CAPN2: variants seen among roughly 807,000 people sequenced by gnomAD.
CAPN2 encodes calpain-2 catalytic subunit.
CAPN2 carries 92 observed loss-of-function variants against 102.3 expected under a neutral mutation model. The observed-to-expected ratio is 0.90, with a 90% CI of 0.76 to 1.07. The LOEUF (loss-of-function observed/expected upper bound fraction) is 1.07. Among genes scored for constraint, CAPN2 ranks in the 50% least tolerant of loss-of-function variants. CAPN2 has a pLI of 0.00. For missense variants in CAPN2, 800 were observed against 909.4 expected (o/e 0.88, Z 1.55); for synonymous variants, 340 against 355.4 (o/e 0.96, Z 0.49).
chr1:223,772,184 T>C lies in CAPN2; in HGVS notation c.2024T>C (p.Ile675Thr). ...CCCTCTTTTTCTCCCTCCACAGAGA[T>C]ATTTAAGCAGCTGGATCCCGAGAAT... Reference protein sequence around the residue: ...CLVRLETLFKIFKQLDPENTG... With the variant: ...CLVRLETLFKTFKQLDPENTG... Residue 675 changes from isoleucine to threonine, a missense_variant, in exon 20 of 21, where the codon ATA (isoleucine) becomes ACA (threonine). By Grantham distance (89) the Ile-to-Thr change is moderately conservative. Transcript: ENST00000295006. 6.2e-7 allele frequency: 1 copy of C among 1,614,088 alleles called. No individual in the cohort carries two copies. Among genetic ancestry groups the C allele is most frequent in the Non-Finnish European group, 8.5e-7 (1 of 1,179,940 alleles).
Position 223,726,191 on chromosome 1 carries a change from G to A in CAPN2, c.307+8360G>A, listed in dbSNP as rs1476904178. 6.6e-6 allele frequency among the ~76,000 whole-genome samples: 1 copy of A among 152,220 alleles called. No homozygotes were observed. The highest frequency in any genetic ancestry group is 2.4e-5 in the African/African-American group (1 of 41,446). Reference sequence around the variant, plus strand: ...GGGCTTCCTCCAGGAGCTAAGAAAGGAGAGTTCCTGAAGAGCAGGAATTTA... The same window carrying A: ...GGGCTTCCTCCAGGAGCTAAGAAAGAAGAGTTCCTGAAGAGCAGGAATTTA... On this transcript the variant is annotated intron_variant, in intron 2 of 20. Coordinates refer to ENST00000295006, the MANE Select transcript of CAPN2 (RefSeq NM_001748.5). This position sits in a 1 kb window ranked among gnomAD's most constrained non-coding sequence, Gnocchi z 4.4.
At chr1:223,738,614 G>A (rs1260414318) in intron 2 of CAPN2, among the ~76,000 whole-genome samples, 1 of 152,160 alleles carries the variant, frequency 6.6e-6, no homozygotes, top group East Asian at 1.9e-4. Context: ...GCGCCTCCAG[G>A]CAGGCTCACG....
chr1:223,768,147 T>A (rs183110042), intron 16 of CAPN2, among the ~76,000 whole-genome samples: 4,363 of 151,392 alleles, frequency 0.029, 198 homozygotes, highest in African/African-American at 0.1. Context: ...GGTTGCCTGT[T>A]CACTCTGATG....
chr1:223,747,791 G>C (rs1383337302), intron 5 of CAPN2, among the ~76,000 whole-genome samples: 1 of 152,160 alleles, frequency 6.6e-6, no homozygotes, highest in African/African-American at 2.4e-5. Context: ...GAAGGAAAGG[G>C]GAGGTCAGAG....
chr1:223,730,627 T>C (rs904406541), intron 2 of CAPN2, among the ~76,000 whole-genome samples: 1 of 151,916 alleles, frequency 6.6e-6, no homozygotes, highest in South Asian at 2.1e-4. Flanking sequence ...CTAGGAAGAG[T>C]CTGTTTTGTG....
Position 223,747,037 on chromosome 1 carries a change from A to C in CAPN2, c.601A>C (p.Thr201Pro), listed in dbSNP as rs749225005. 1 of 1,613,958 alleles carries C rather than the reference A, an allele frequency of 6.2e-7. No individual in the cohort carries two copies. The highest frequency in any genetic ancestry group is 1.1e-5 in the South Asian group (1 of 91,068). ...TGAAGCGCTATCAGGGGGTGCCACC[A>C]CTGAGGGCTTCGAAGACTTCACCGG... ...CYEALSGGAT[T>P]EGFEDFTGGI... Residue 201 changes from threonine (T) to proline (P), a missense_variant, in exon 5 of 21, where the codon ACT (threonine) becomes CCT (proline). Physicochemically the swap from Thr to Pro is conservative, Grantham distance 38 (BLOSUM62 -1). Coordinates refer to ENST00000295006, the MANE Select transcript of CAPN2 (RefSeq NM_001748.5).
In CAPN2 at chr1:223,712,897, A is replaced by AAG. The variant is rs1553252509; in HGVS notation, c.237+20_237+21insAG. ...CCCACGGTAGGAAGCGCGCGGCAGG[A>AAG]CGCGGGCAGGGCGGGGTGCCGGGCA... On this transcript the variant is annotated intron_variant, in intron 1 of 20. Transcript: ENST00000295006. The AAG allele has an allele frequency of 1.3e-6, 2 of 1,493,598 alleles. No homozygotes were observed. Among genetic ancestry groups the AAG allele is most frequent in the Non-Finnish European group, 1.8e-6 (2 of 1,119,038 alleles). The allele number at this position is 1,493,598 out of a possible 1,614,324, so 92.5% of individuals were successfully genotyped here. A position where few individuals can be genotyped will look rare whatever the true frequency, so the allele number is the denominator to read the frequency against.
intron 2 of CAPN2, among the ~76,000 whole-genome samples, chr1:223,734,884 G>C (rs1293800702): frequency 6.6e-6 from 1 of 152,138 alleles, no homozygotes; most frequent in Non-Finnish European, 1.5e-5. Flanking sequence ...AGGAAACTGA[G>C]GCACAGAGGG....
intron 1 of CAPN2, among the ~76,000 whole-genome samples, chr1:223,713,707 T>G (rs1005951979): frequency 6.6e-6 from 1 of 152,198 alleles, no homozygotes; most frequent in South Asian, 2.1e-4. Flanking sequence ...TAGATTCCTG[T>G]TGTGAGAACA....
chr1:223,708,920 A>C (rs1397779034), upstream of CAPN2, among the ~76,000 whole-genome samples: 1 of 152,144 alleles, frequency 6.6e-6, no homozygotes, highest in East Asian at 1.9e-4. Context: ...AAAAAGAGAG[A>C]AAGACAATTC....
At chr1:223,753,894 T>C (rs1405873353) in intron 9 of CAPN2, among the ~76,000 whole-genome samples, 1 of 152,190 alleles carries the variant, frequency 6.6e-6, no homozygotes, top group Admixed American at 6.5e-5. Flanking sequence ...ATACAAATAT[T>C]CCAAAATCCA....
At chr1:223,735,075 A>G (rs1435069722) in intron 2 of CAPN2, among the ~76,000 whole-genome samples, 1 of 152,210 alleles carries the variant, frequency 6.6e-6, no homozygotes, top group Non-Finnish European at 1.5e-5. Flanking sequence ...AAGCCCATCC[A>G]TGGAACCCCG....
chr1:223,766,006 T>C (rs1452617860), intron 15 of CAPN2, among the ~76,000 whole-genome samples: 1 of 152,234 alleles, frequency 6.6e-6, no homozygotes, highest in African/African-American at 2.4e-5. Context: ...TCACGGGTCA[T>C]AGCCTAGAAT....
Position 223,771,909 on chromosome 1 carries a change from G to C in CAPN2, c.2004G>C (p.Arg668=). 1.2e-6 allele frequency: 2 copies of C among 1,610,970 alleles called. No homozygotes were observed. The highest frequency in any genetic ancestry group is 1.7e-6 in the Non-Finnish European group (2 of 1,177,088). The stretch of plus-strand genomic sequence containing the variant: ...ATAATTTTGTTCGGTGTTTGGTTCG[G>C]CTGGAAACGCTATTCAGTAAGTGGA... ...DFDNFVRCLV[R]LETLFKIFKQ... Residue 668 remains arginine, a synonymous_variant, in exon 19 of 21, where the codon CGG becomes CGC. Coordinates refer to ENST00000295006, the MANE Select transcript of CAPN2 (RefSeq NM_001748.5).
At chr1:223,730,035 A>T (rs12748188) in intron 2 of CAPN2, among the ~76,000 whole-genome samples, 1 of 146,134 alleles carries the variant, frequency 6.8e-6, no homozygotes, top group East Asian at 2.0e-4. Context: ...AAAAAAAAAA[A>T]CGAAAACCTG....
chr1:223,712,761 G>C lies in CAPN2; in HGVS notation c.121G>C (p.Glu41Gln). The C allele has an allele frequency of 6.3e-7, 1 of 1,581,460 alleles. No individual in the cohort carries two copies. Residue 41 changes from glutamate (E) to glutamine (Q), a missense_variant, in exon 1 of 21, where the codon GAG (glutamate) becomes CAG (glutamine). Transcript: ENST00000295006. ...DYEALRNECL[E>Q]AGTLFQDPSF... is the part of the protein sequence containing the mutation. ...CGAGGCGCTGCGGAACGAGTGCCTG[G>C]AGGCCGGGACGCTCTTCCAGGACCC...
At chr1:223,710,980 G>A (rs1269536022), upstream of CAPN2, among the ~76,000 whole-genome samples, 1 of 152,114 alleles carries the variant, frequency 6.6e-6, no homozygotes, top group Non-Finnish European at 1.5e-5. Context: ...TGTGTCACAG[G>A]TGTGCATCTT....
chr1:223,751,941 G>A (rs919534893), intron 7 of CAPN2, 56 bp from the exon 8 acceptor site: 3 of 1,185,432 alleles, frequency 2.5e-6, no homozygotes, highest in Non-Finnish European at 3.7e-6. Context: ...CAACTCTGGG[G>A]CCTTTGGGGA....
At chr1:223,733,442 AT>A (rs1660379088) in intron 2 of CAPN2, among the ~76,000 whole-genome samples, 1 of 152,136 alleles carries the variant, frequency 6.6e-6, no homozygotes, top group African/African-American at 2.4e-5. Flanking sequence ...AGCTCTGGAA[AT>A]TTACTGACAT....
Sources: gnomAD v4.1 joint callset for allele counts (sites outside exome capture counted in the v4.1 genomes callset) on GRCh38, gnomAD v4.1.1 for gene constraint, Gnocchi (gnomAD v3.1) non-coding constraint, MANE v1.5 for transcripts, NCBI Gene and HGNC (gene_info 2026-07-23, HGNC 2026-07-21) for gene names.